ZNF804B: variants seen among roughly 807,000 people sequenced by gnomAD.
ZNF804B encodes zinc finger 804B.
ZNF804B carries 80 observed loss-of-function variants against 101.4 expected under a neutral mutation model. The ratio of observed to expected loss-of-function variants is 0.79; its 90% confidence interval spans 0.66 to 0.95. The LOEUF (loss-of-function observed/expected upper bound fraction) is 0.95. Ranked by LOEUF, ZNF804B falls within the 40% of genes least tolerant of loss-of-function variation. The probability of loss-of-function intolerance (pLI) is 0.00; values close to 1 mark genes in which losing one functional copy is unlikely to be tolerated. For missense variants in ZNF804B, 1,673 were observed against 1,561.9 expected, an observed-to-expected ratio of 1.07 and a Z score of -1.20; for synonymous variants, 622 against 558.8, an observed-to-expected ratio of 1.11 and a Z score of -1.59.
In ZNF804B at chr7:89,196,069, G is replaced by A. The variant is rs181589145; in HGVS notation, c.109-22086G>A. 9.7e-3 allele frequency among the ~76,000 whole-genome samples: 1,477 copies of A among 152,006 alleles called. 31 individuals carry two copies. The highest frequency in any genetic ancestry group is 0.033 in the African/African-American group (1,364 of 41,480). On this transcript the variant is annotated intron_variant, in intron 1 of 3. Coordinates refer to ENST00000333190, the MANE Select transcript of ZNF804B (RefSeq NM_181646.5). Reference sequence around the variant, plus strand: ...AAAAAACTATCTTAGAATTCATATGGAACCAAAAAAAGAGCCTGAATAGCC... The same window carrying A: ...AAAAAACTATCTTAGAATTCATATGAAACCAAAAAAAGAGCCTGAATAGCC...
intron 1 of ZNF804B, among the ~76,000 whole-genome samples, chr7:89,168,553 T>C (rs954049833): frequency 2.6e-5 from 4 of 152,138 alleles, no homozygotes; most frequent in Non-Finnish European, 5.9e-5. Flanking sequence ...CTAATGCTAT[T>C]AGGACTTGTG....
At chr7:88,823,188 C>A (rs2115764427) in intron 1 of ZNF804B, among the ~76,000 whole-genome samples, 1 of 152,228 alleles carries the variant, frequency 6.6e-6, no homozygotes, top group East Asian at 1.9e-4. Context: ...GCCTAGGCGA[C>A]AGGGTGAGAC....
At chr7:88,909,211 C>T (rs979905485) in intron 1 of ZNF804B, among the ~76,000 whole-genome samples, 4 of 151,750 alleles carry the variant, frequency 2.6e-5, no homozygotes, top group South Asian at 4.2e-4. Context: ...TTTTGCTTTC[C>T]GTTAGGAAGA....
chr7:89,246,665 T>C (rs1210230089), intron 2 of ZNF804B, among the ~76,000 whole-genome samples: 1 of 152,226 alleles, frequency 6.6e-6, no homozygotes, highest in African/African-American at 2.4e-5. Flanking sequence ...TAGATCATGA[T>C]GCAGTAGGGT....
chr7:88,837,614 T>C (rs1171790769), intron 1 of ZNF804B, among the ~76,000 whole-genome samples: 1 of 151,962 alleles, frequency 6.6e-6, no homozygotes, highest in African/African-American at 2.4e-5. Flanking sequence ...GGATTTCAGA[T>C]TGCACATTGT....
chr7:89,098,826 A>T (rs918284188), intron 1 of ZNF804B, among the ~76,000 whole-genome samples: 1 of 151,772 alleles, frequency 6.6e-6, no homozygotes, highest in Non-Finnish European at 1.5e-5. Context: ...AAAATAAATA[A>T]GTTAATATGC....
intron 1 of ZNF804B, among the ~76,000 whole-genome samples, chr7:88,995,415 A>T (rs1234434315): frequency 6.6e-6 from 1 of 152,042 alleles, no homozygotes; most frequent in Admixed American, 6.6e-5. Flanking sequence ...TATCTAGGAA[A>T]CCCTTAGGTG....
At chr7:89,059,866 G>A (rs566471888) in intron 1 of ZNF804B, among the ~76,000 whole-genome samples, 5 of 150,576 alleles carry the variant, frequency 3.3e-5, no homozygotes, top group Non-Finnish European at 7.4e-5. Flanking sequence ...GACTAGATGG[G>A]ACATGCTGTC....
intron 1 of ZNF804B, among the ~76,000 whole-genome samples, chr7:89,085,725 A>T (rs1396007861): frequency 6.6e-6 from 1 of 151,876 alleles, no homozygotes; most frequent in Non-Finnish European, 1.5e-5. Context: ...TTGTCTTCTG[A>T]TTACAGTAGT....
chr7:89,278,182 C>G (rs1053395685), intron 2 of ZNF804B, among the ~76,000 whole-genome samples: 4 of 151,876 alleles, frequency 2.6e-5, no homozygotes, highest in African/African-American at 9.7e-5. Flanking sequence ...CCTTTGCCCA[C>G]TTTTTGATGG....
chr7:88,934,759 TGTTGA>T (rs1418475650), intron 1 of ZNF804B, among the ~76,000 whole-genome samples: 1 of 151,988 alleles, frequency 6.6e-6, no homozygotes, highest in African/African-American at 2.4e-5. Context: ...GGTGTCGATG[TGTTGA>T]AAAGTGAACA....
intron 2 of ZNF804B, among the ~76,000 whole-genome samples, chr7:89,266,003 GA>G (rs1197338989): frequency 6.6e-6 from 1 of 152,216 alleles, no homozygotes; most frequent in Non-Finnish European, 1.5e-5. Context: ...CTACAACCAT[GA>G]GTACAATTAA....
chr7:89,224,664 C>T (rs1249336438), intron 2 of ZNF804B, among the ~76,000 whole-genome samples: 3 of 151,630 alleles, frequency 2.0e-5, no homozygotes, highest in South Asian at 4.2e-4. Flanking sequence ...AAATAATACT[C>T]TCTCCTGTTC....
intron 1 of ZNF804B, among the ~76,000 whole-genome samples, chr7:88,933,562 C>T (rs921914575): frequency 1.6e-4 from 25 of 151,920 alleles, no homozygotes; most frequent in Non-Finnish European, 1.8e-4. Context: ...TCAAAAAGCT[C>T]CTATATCTGA....
chr7:89,103,048 G>GTTTTTTTTTTTTTTTTTTTTTTTTTTTTT (rs56693128), intron 1 of ZNF804B, among the ~76,000 whole-genome samples: 1 of 33,750 alleles, frequency 3.0e-5, no homozygotes, highest in Non-Finnish European at 5.2e-5. Flanking sequence ...CTATGTGTCT[G>GTTTTTTTTTTTTTTTTTTTTTTTTTTTTT]TTTTTTTTTT....
rs561647569 is a variant in ZNF804B, at chr7:88,840,962, A to G, written c.108+80878A>G. 3.3e-5 allele frequency among the ~76,000 whole-genome samples: 5 copies of G among 152,324 alleles called. No individual in the cohort carries two copies. The South Asian group carries it at 1.0e-3, about 32-fold the overall frequency. ...ATATACTCATTGACTGCTAGGGAAT[A>G]TAATATTTAATAGCAGATTATTATA... On this transcript the variant is annotated intron_variant, in intron 1 of 3. Transcript: ENST00000333190.
chr7:88,770,625 G>A (rs1279896532), intron 1 of ZNF804B, among the ~76,000 whole-genome samples: 1 of 152,134 alleles, frequency 6.6e-6, no homozygotes, highest in Admixed American at 6.5e-5. Context: ...TGGTGTGGGA[G>A]CTCTCTGCTT....
intron 1 of ZNF804B, among the ~76,000 whole-genome samples, chr7:88,880,115 C>G (rs1583994468): frequency 6.6e-6 from 1 of 151,638 alleles, no homozygotes; most frequent in South Asian, 2.1e-4. Context: ...CTGTGACAGT[C>G]TTATGGAATT....
intron 1 of ZNF804B, among the ~76,000 whole-genome samples, chr7:89,059,408 T>G (rs1400567209): frequency 6.6e-6 from 1 of 152,008 alleles, no homozygotes; most frequent in African/African-American, 2.4e-5. Flanking sequence ...GGCAAAAGGA[T>G]AGTAGGCGTG....
Sources: allele counts gnomAD v4.1 joint callset (sites outside exome capture counted in the v4.1 genomes callset), GRCh38; gene constraint gnomAD v4.1.1; transcripts MANE v1.5; gene names NCBI Gene and HGNC (gene_info 2026-07-23, HGNC 2026-07-21).